The following ABCA13 variants were observed in gnomAD, a reference collection of about 807,000 sequenced individuals.
The protein encoded by ABCA13 is ATP-binding cassette sub-family A member 13.
ABCA13 carries 476 observed loss-of-function variants against 478.7 expected under a neutral mutation model. That is an observed-to-expected ratio of 0.99 (90% CI 0.92 to 1.07). The LOEUF (loss-of-function observed/expected upper bound fraction) is 1.07. Among genes scored for constraint, ABCA13 ranks in the 50% least tolerant of loss-of-function variants. The pLI is 0.00. For missense variants in ABCA13, 6,060 were observed against 5,910.6 expected (o/e 1.03, Z -0.83); for synonymous variants, 2,252 against 2,158.9 (o/e 1.04, Z -1.20).
chr7:48,538,321 G>A (rs531858872), intron 55 of ABCA13, among the ~76,000 whole-genome samples: 19 of 151,962 alleles, frequency 1.3e-4, no homozygotes, highest in Admixed American at 9.2e-4. Context: ...GGCTGGTCTC[G>A]AACTGCTGAC....
chr7:48,436,800 A>C (rs569708026), intron 42 of ABCA13, among the ~76,000 whole-genome samples: 185 of 149,428 alleles, frequency 1.2e-3, no homozygotes, highest in African/African-American at 4.3e-3. Context: ...CTGTGTTTTA[A>C]ATTTCCACAT....
At chr7:48,303,560 A>G (rs1358952589) in intron 23 of ABCA13, among the ~76,000 whole-genome samples, 1 of 152,138 alleles carries the variant, frequency 6.6e-6, no homozygotes, top group Non-Finnish European at 1.5e-5. Context: ...ATGGCTAGCC[A>G]GTTATCTCAG....
At chr7:48,179,617 A>G (rs1237696736) in intron 1 of ABCA13, among the ~76,000 whole-genome samples, 1 of 152,150 alleles carries the variant, frequency 6.6e-6, no homozygotes, top group Non-Finnish European at 1.5e-5. Context: ...TTCTTTAGGG[A>G]TGAGAGGGAA....
chr7:48,276,311 C>A lies in ABCA13; in HGVS notation c.6645C>A (p.Asn2215Lys). The A allele has an allele frequency of 6.4e-7, 1 of 1,554,364 alleles. No individual in the cohort carries two copies. Among genetic ancestry groups the A allele is most frequent in the Non-Finnish European group, 8.7e-7 (1 of 1,148,776 alleles). ...ACATCCTAATTAATTTGATCAATAA[C>A]TTAGCTGGGAATTCTCAGGAAGCAG... Reference protein sequence around the residue: ...FENILINLINNLAGNSQEAAW... With the variant: ...FENILINLINKLAGNSQEAAW... Residue 2215 changes from asparagine to lysine, a missense_variant, in exon 17 of 62, where the codon AAC becomes AAA. By Grantham distance (94) the Asn-to-Lys change is moderately conservative. Around this residue, in one of 3 missense-constraint regions of ABCA13, gnomAD observed 4,423 missense variants for 4,309.1 expected, o/e 1.03. Transcript: ENST00000435803.
At chr7:48,592,654 TG>T (rs1255235190) in intron 57 of ABCA13, among the ~76,000 whole-genome samples, 1 of 151,952 alleles carries the variant, frequency 6.6e-6, no homozygotes, top group East Asian at 1.9e-4. Flanking sequence ...GGTTATTCAA[TG>T]TATCATTGAA....
At position 48,274,825 on chromosome 7, in the gene ABCA13, C is replaced by G. The variant is rs1247982878; in HGVS notation, c.5159C>G (p.Ser1720Ter). ...TTGATGGAAAAATTTGCAGACAGCT[C>G]ACATTCTTGGAATGTTAATCATCTG... ...VGLMEKFADS[S>*]HSWNVNHLLQ... The change falls in exon 17 of 62, where the codon TCA (serine) becomes TGA (stop). Residue 1720 changes from serine (S) to a stop codon, truncating the protein, a stop_gained. Coordinates refer to ENST00000435803, the MANE Select transcript of ABCA13 (RefSeq NM_152701.5). LOFTEE classifies it high-confidence loss of function. 1 of 1,613,940 alleles carries G rather than the reference C, an allele frequency of 6.2e-7. No homozygotes were observed. The highest frequency in any genetic ancestry group is 2.2e-5 in the East Asian group (1 of 44,878).
chr7:48,436,396 A>C (rs887674983), intron 42 of ABCA13, among the ~76,000 whole-genome samples: 7 of 151,488 alleles, frequency 4.6e-5, no homozygotes, highest in African/African-American at 1.7e-4. Context: ...AGTTATTTGA[A>C]CCTTCTTTCT....
chr7:48,511,649 GA>G (rs1831694156), intron 51 of ABCA13, among the ~76,000 whole-genome samples: 2 of 151,856 alleles, frequency 1.3e-5, no homozygotes, highest in African/African-American at 4.8e-5. Context: ...TTTTTCAGAT[GA>G]AAAAATAGCA....
chr7:48,414,412 G>A (rs929894249), intron 41 of ABCA13, among the ~76,000 whole-genome samples: 11 of 151,972 alleles, frequency 7.2e-5, no homozygotes, highest in Admixed American at 7.2e-4. Context: ...CAGTGCCCAG[G>A]ACAGTTACTG....
intron 37 of ABCA13, among the ~76,000 whole-genome samples, chr7:48,391,492 T>G (rs920895039): frequency 1.3e-5 from 2 of 152,218 alleles, no homozygotes; most frequent in African/African-American, 4.8e-5. Context: ...CAAGAGATAT[T>G]CAACACCTTA....
chr7:48,252,806 G>T (rs141363115), intron 15 of ABCA13, among the ~76,000 whole-genome samples: 7 of 152,166 alleles, frequency 4.6e-5, no homozygotes, highest in Non-Finnish European at 7.4e-5. Flanking sequence ...CATTTCTTTA[G>T]CGGACAATCT....
At position 48,272,988 on chromosome 7, in the gene ABCA13, T is replaced by G. The variant is rs775581750; in HGVS notation, c.3322T>G (p.Ser1108Ala). Residue 1108 changes from serine to alanine, a missense_variant, in exon 17 of 62, where the codon TCT (serine) becomes GCT (alanine). Transcript: ENST00000435803. ...KCLISDNKHI[S>A]SVNYSTSEES... ...CTTGATTTCGGACAATAAACACATT[T>G]CTTCCGTAAATTATTCAACAAGTGA... The G allele has an allele frequency of 3.7e-6, 6 of 1,613,640 alleles. No homozygotes were observed. Among genetic ancestry groups the G allele is most frequent in the Non-Finnish European group, 5.1e-6 (6 of 1,179,714 alleles).
Position 48,376,637 on chromosome 7 carries a change from T to C in ABCA13, c.11335+65T>C, listed in dbSNP as rs73325712. The C allele has an allele frequency of 3.0e-3, 4,545 of 1,497,910 alleles. 147 individuals are homozygous for C. The African/African-American group carries it at 0.057, about 19-fold the overall frequency. The allele number at this position is 1,497,910 out of a possible 1,614,324, so 92.8% of individuals were successfully genotyped here. On this transcript the variant is annotated intron_variant, in intron 35 of 61. Transcript: ENST00000435803. ...TAAAAACAGTTTGAATTAATATGCA[T>C]AAATATTAGAATAATCACTTATTCT...
chr7:48,295,381 G>GT (rs1219371585), intron 20 of ABCA13, among the ~76,000 whole-genome samples: 1 of 152,146 alleles, frequency 6.6e-6, no homozygotes, highest in African/African-American at 2.4e-5. Context: ...TGAGTTATTT[G>GT]TTTTTCTGCT....
At position 48,547,413 on chromosome 7, in the gene ABCA13, A is replaced by G. The variant is rs536526532; in HGVS notation, c.14354+19068A>G. ...AAGAAAATGCTGCCTCTTCCATGCT[A>G]TGTCTAAGATATGGCAGAATGTGCA... On this transcript the variant is annotated intron_variant, in intron 55 of 61. Coordinates refer to ENST00000435803, the MANE Select transcript of ABCA13 (RefSeq NM_152701.5). Among the ~76,000 whole-genome samples, 3 of 152,046 alleles carry G rather than the reference A, an allele frequency of 2.0e-5. No individual in the cohort carries two copies. In the South Asian group the frequency reaches 6.2e-4, roughly 32 times the overall value.
In ABCA13 at chr7:48,273,895, C is replaced by G. The variant is rs1795952740; in HGVS notation, c.4229C>G (p.Ser1410Cys). 6.2e-7 allele frequency: 1 copy of G among 1,612,654 alleles called. No individual in the cohort carries two copies. The highest frequency in any genetic ancestry group is 1.7e-5 in the Admixed American group (1 of 59,868). ...VINHLYLLSN[S>C]SFSQGHLQNI... Reference sequence around the variant, plus strand: ...AACCATTTGTATTTGTTGTCTAACTCCAGTTTTTCACAAGGTCATCTTCAA... The same window carrying G: ...AACCATTTGTATTTGTTGTCTAACTGCAGTTTTTCACAAGGTCATCTTCAA... The change falls in exon 17 of 62, where the codon TCC becomes TGC. Residue 1410 changes from serine (S) to cysteine (C), a missense_variant. Ser to Cys is a moderately radical substitution (Grantham distance 112). This residue lies in a region of ABCA13 where 4,423 missense variants were observed against 4,309.1 expected (regional missense o/e 1.03). Coordinates refer to ENST00000435803, the MANE Select transcript of ABCA13 (RefSeq NM_152701.5).
chr7:48,302,589 T>C (rs1413028666), intron 23 of ABCA13, among the ~76,000 whole-genome samples: 2 of 152,160 alleles, frequency 1.3e-5, no homozygotes, highest in Non-Finnish European at 2.9e-5. Flanking sequence ...ATGTGAGAAT[T>C]TGCAGTATTT....
chr7:48,367,657 C>A (rs1811888737), intron 31 of ABCA13, 137 bp from the exon 32 acceptor site: 1 of 672,296 alleles, frequency 1.5e-6, no homozygotes, highest in South Asian at 1.7e-5. Context: ...GGCCCTCCTA[C>A]CTAAGTCACA....
chr7:48,175,631 G>C (rs1794742492), intron 1 of ABCA13, among the ~76,000 whole-genome samples: 1 of 152,088 alleles, frequency 6.6e-6, no homozygotes, highest in Non-Finnish European at 1.5e-5. Flanking sequence ...ATGTTGGCCA[G>C]GCTTGCCTAG....
Sources: gnomAD v4.1 joint callset for allele counts (sites outside exome capture counted in the v4.1 genomes callset) on GRCh38, gnomAD v4.1.1 for gene constraint, gnomAD v4.1.1 regional missense constraint, MANE v1.5 for transcripts, NCBI Gene and HGNC (gene_info 2026-07-23, HGNC 2026-07-21) for gene names.